KIRREL3: variants seen among roughly 807,000 people sequenced by gnomAD.
KIRREL3 encodes the protein kin of IRRE-like protein 3.
In KIRREL3, 36 loss-of-function variants were observed where a neutral mutation model predicts 89.7. The ratio of observed to expected loss-of-function variants is 0.40; its 90% CI spans 0.31 to 0.53. The LOEUF (loss-of-function observed/expected upper bound fraction) is 0.53, where lower values mean the gene tolerates loss of function less well. KIRREL3 is among the 20% of genes least tolerant of loss of function. The pLI, the probability that KIRREL3 is intolerant of heterozygous loss-of-function variation, is 0.49. For synonymous variants in KIRREL3, 445 were observed against 441.4 expected (o/e 1.01, Z -0.10); for missense variants, 864 against 1,056.6 (o/e 0.82, Z 2.53).
At chr11:126,936,555 C>CAAAAAAAAA (rs59632103) in intron 1 of KIRREL3, 1 of 97,830 alleles carries the variant, frequency 1.0e-5, no homozygotes, top group Non-Finnish European at 2.2e-5. Context: ...TGCTATTCAG[C>CAAAAAAAAA]AAAAAAAAAA....
At chr11:126,631,760 C>T (rs1397674066) in intron 1 of KIRREL3, among the ~76,000 whole-genome samples, 1 of 152,204 alleles carries the variant, frequency 6.6e-6, no homozygotes, top group Non-Finnish European at 1.5e-5. Flanking sequence ...ATTCCTACAA[C>T]AATCTCACAA....
intron 1 of KIRREL3, among the ~76,000 whole-genome samples, chr11:126,923,223 T>TTC (rs1430740875): frequency 1.2e-4 from 4 of 34,542 alleles, no homozygotes; most frequent in Admixed American, 3.0e-4. Context: ...CTTCTTCTTC[T>TTC]TCTTCTTCTT....
intron 1 of KIRREL3, among the ~76,000 whole-genome samples, chr11:126,673,344 G>A (rs778572300): frequency 1.1e-4 from 16 of 152,210 alleles, no homozygotes; most frequent in Non-Finnish European, 1.8e-4. Flanking sequence ...TGCAGGCAGA[G>A]TTTGGGCTCA....
chr11:126,822,521 G>T (rs563812700), intron 1 of KIRREL3, among the ~76,000 whole-genome samples: 7 of 152,174 alleles, frequency 4.6e-5, no homozygotes, highest in Non-Finnish European at 1.0e-4. Flanking sequence ...ATCTGACCCT[G>T]GGGACTTTTT....
At chr11:126,882,561 C>T (rs546323625) in intron 1 of KIRREL3, among the ~76,000 whole-genome samples, 9 of 152,294 alleles carry the variant, frequency 5.9e-5, no homozygotes, top group South Asian at 2.1e-4. Context: ...CCCAGTAGAA[C>T]GCAGAATGCA....
intron 5 of KIRREL3, among the ~76,000 whole-genome samples, chr11:126,468,413 C>G (rs1457783137): frequency 6.6e-6 from 1 of 152,264 alleles, no homozygotes; most frequent in African/African-American, 2.4e-5. Flanking sequence ...CCCCATCCGG[C>G]AGTGTGGCTC....
At chr11:126,593,029 T>C (rs1942223392) in intron 1 of KIRREL3, among the ~76,000 whole-genome samples, 1 of 152,170 alleles carries the variant, frequency 6.6e-6, no homozygotes, top group Non-Finnish European at 1.5e-5. Flanking sequence ...AAAGGGCTTC[T>C]AGGCCTGAAG....
intron 6 of KIRREL3, among the ~76,000 whole-genome samples, chr11:126,460,846 C>T (rs965070130): frequency 4.6e-5 from 7 of 152,212 alleles, no homozygotes; most frequent in Admixed American, 1.3e-4. Flanking sequence ...CCAGGACCTA[C>T]GCTGCTGTCG....
chr11:126,695,406 C>CAAA (rs36034228), intron 1 of KIRREL3, among the ~76,000 whole-genome samples: 76 of 64,252 alleles, frequency 1.2e-3, no homozygotes, highest in Non-Finnish European at 1.5e-3. Context: ...TTAGCTTTAC[C>CAAA]AAAAAAAAAA....
intron 1 of KIRREL3, among the ~76,000 whole-genome samples, chr11:126,972,600 G>C (rs1949456554): frequency 6.6e-6 from 1 of 152,154 alleles, no homozygotes; most frequent in Non-Finnish European, 1.5e-5. Flanking sequence ...CCACGGTCTG[G>C]GATATTATTT....
At position 126,965,140 on chromosome 11, in the gene KIRREL3, A is replaced by C. The variant is rs1426366877; in HGVS notation, c.55+35315T>G. ...AGAACAGAGAGATAAAATGGAGATA[A>C]GTGTGAGTTAGGAGCTCTGGGGATG... On this transcript the variant is annotated intron_variant, in intron 1 of 16. Transcript: ENST00000525144. The surrounding 1 kb of genome is among the most constrained non-coding windows in gnomAD (Gnocchi z 4.4). Among the ~76,000 whole-genome samples the C allele has an allele frequency of 6.6e-6, 1 of 152,210 alleles. No individual in the cohort carries two copies. Among genetic ancestry groups the C allele is most frequent in the Non-Finnish European group, 1.5e-5 (1 of 68,022 alleles).
chr11:126,749,417 G>A (rs994831499), intron 1 of KIRREL3, among the ~76,000 whole-genome samples: 1 of 151,994 alleles, frequency 6.6e-6, no homozygotes, highest in Non-Finnish European at 1.5e-5. Flanking sequence ...CCCATTCCTC[G>A]GTGCTCAATC....
Position 126,970,257 on chromosome 11 carries a change from T to G in KIRREL3, c.55+30198A>C, listed in dbSNP as rs1215538766. 6.6e-6 allele frequency among the ~76,000 whole-genome samples: 1 copy of G among 152,236 alleles called. No individual in the cohort carries two copies. Among genetic ancestry groups the G allele is most frequent in the Non-Finnish European group, 1.5e-5 (1 of 68,042 alleles). On this transcript the variant is annotated intron_variant, in intron 1 of 16. Coordinates refer to ENST00000525144, the MANE Select transcript of KIRREL3 (RefSeq NM_032531.4). This position sits in a 1 kb window ranked among gnomAD's most constrained non-coding sequence, Gnocchi z 4.4. ...TTTACTCATTTCCTTTGGTTTCCTTTTTGTTTTTCTTAATTTGAGCTTTCT... is the reference window on the plus strand; with the variant it reads ...TTTACTCATTTCCTTTGGTTTCCTTGTTGTTTTTCTTAATTTGAGCTTTCT...
chr11:126,744,315 C>T lies in KIRREL3; in HGVS notation c.56-181403G>A, dbSNP rs1449001282. 6.6e-6 allele frequency among the ~76,000 whole-genome samples: 1 copy of T among 151,766 alleles called. No homozygotes were observed. Among genetic ancestry groups the T allele is most frequent in the African/African-American group, 2.4e-5 (1 of 41,266 alleles). On this transcript the variant is annotated intron_variant, in intron 1 of 16. Transcript: ENST00000525144. This position sits in a 1 kb window ranked among gnomAD's most constrained non-coding sequence, Gnocchi z 4.7. Reference sequence around the variant, plus strand: ...ATGACTGAGATGTTGAGCAGGGGAGCAGCCTTTTCTGGGAGGTTCACCCGC... The same window carrying T: ...ATGACTGAGATGTTGAGCAGGGGAGTAGCCTTTTCTGGGAGGTTCACCCGC...
chr11:126,503,527 G>A (rs1463560873), intron 4 of KIRREL3, among the ~76,000 whole-genome samples: 2 of 152,158 alleles, frequency 1.3e-5, no homozygotes, highest in African/African-American at 4.8e-5. Context: ...AGTTAGCTGG[G>A]TGGCCATGGG....
At chr11:126,838,238 T>C (rs904180191) in intron 1 of KIRREL3, among the ~76,000 whole-genome samples, 23 of 152,258 alleles carry the variant, frequency 1.5e-4, no homozygotes, top group African/African-American at 5.3e-4. Context: ...TTAAAATACA[T>C]TGATTTCTCT....
rs546072843 is a variant in KIRREL3, at chr11:126,614,194, G to C, written c.56-51282C>G. On this transcript the variant is annotated intron_variant, in intron 1 of 16. Coordinates refer to ENST00000525144, the MANE Select transcript of KIRREL3 (RefSeq NM_032531.4). This position sits in a 1 kb window ranked among gnomAD's most constrained non-coding sequence, Gnocchi z 4.6. Reference sequence around the variant, plus strand: ...TGCGCTTTAAGGGTTGGAAAAGTTCGATCTATTGTCGATTTCTCTATGGTA... The same window carrying C: ...TGCGCTTTAAGGGTTGGAAAAGTTCCATCTATTGTCGATTTCTCTATGGTA... Among the ~76,000 whole-genome samples, 1 of 152,186 alleles carries C rather than the reference G, an allele frequency of 6.6e-6. No homozygotes were observed. Among genetic ancestry groups the C allele is most frequent in the East Asian group, 1.9e-4 (1 of 5,180 alleles).
At chr11:126,886,263 G>A (rs1455274736) in intron 1 of KIRREL3, among the ~76,000 whole-genome samples, 1 of 152,212 alleles carries the variant, frequency 6.6e-6, no homozygotes, top group East Asian at 1.9e-4. Context: ...CTCCCTGCAT[G>A]ATGATAATGG....
intron 1 of KIRREL3, among the ~76,000 whole-genome samples, chr11:126,637,088 A>G (rs1944295249): frequency 6.6e-6 from 1 of 152,090 alleles, no homozygotes; most frequent in Non-Finnish European, 1.5e-5. Context: ...CCTCTGCAGG[A>G]TGACTCAGCC....
Sources: allele counts gnomAD v4.1 joint callset (sites outside exome capture counted in the v4.1 genomes callset), GRCh38; gene constraint gnomAD v4.1.1; non-coding constraint Gnocchi (gnomAD v3.1); transcripts MANE v1.5; gene names NCBI Gene and HGNC (gene_info 2026-07-23, HGNC 2026-07-21).